The following FYTTD1 variants were observed in gnomAD, a reference collection of about 807,000 sequenced individuals.
FYTTD1 encodes UAP56-interacting factor.
FYTTD1 carries 22 observed loss-of-function variants against 40.9 expected under a neutral mutation model. The ratio of observed to expected loss-of-function variants is 0.54; its 90% CI spans 0.38 to 0.77. The LOEUF is 0.77. Ranked by LOEUF, FYTTD1 falls within the 30% of genes least tolerant of loss-of-function variation. The pLI is 0.00. For missense variants in FYTTD1, 351 were observed against 392.2 expected, an observed-to-expected ratio of 0.90 and a Z score of 0.89; for synonymous variants, 140 against 137.9, an observed-to-expected ratio of 1.01 and a Z score of -0.10.
intron 2 of FYTTD1, among the ~76,000 whole-genome samples, chr3:197,765,510 T>C (rs1349124615): frequency 2.6e-5 from 4 of 152,160 alleles, no homozygotes; most frequent in Non-Finnish European, 5.9e-5. Flanking sequence ...TTAATCTTCA[T>C]CTAGTTGCAA....
Position 197,771,279 on chromosome 3 carries a change from G to C in FYTTD1, c.497+1035G>C, listed in dbSNP as rs114138902. On this transcript the variant is annotated intron_variant, in intron 4 of 8. Transcript: ENST00000241502. ...AAAGTAGATGAAGTTGATGAGGTGTGAAGTTTCCTTATTCAGTTTCAAGTA... is the reference window on the plus strand; with the variant it reads ...AAAGTAGATGAAGTTGATGAGGTGTCAAGTTTCCTTATTCAGTTTCAAGTA... Among the ~76,000 whole-genome samples the C allele has an allele frequency of 2.7e-3, 405 of 152,290 alleles. 1 individual carries two copies. Among genetic ancestry groups the C allele is most frequent in the African/African-American group, 9.3e-3 (387 of 41,556 alleles).
chr3:197,760,518 G>C (rs946661722), intron 2 of FYTTD1, among the ~76,000 whole-genome samples: 1 of 150,428 alleles, frequency 6.6e-6, no homozygotes, highest in Non-Finnish European at 1.5e-5. Context: ...TGTTCTTCAG[G>C]GGTAGAATGT....
At chr3:197,750,160 C>A in intron 1 of FYTTD1, 86 bp downstream of exon 1, 3 of 1,041,918 alleles carry the variant, frequency 2.9e-6, no homozygotes, top group South Asian at 3.7e-5. Context: ...CAGGGGCGGT[C>A]GGCAGCAGTT....
At chr3:197,773,336 T>A (rs1431542626) in intron 4 of FYTTD1, 67 bp from the exon 5 acceptor site, 1 of 933,348 alleles carries the variant, frequency 1.1e-6, no homozygotes. Context: ...CTATTTTTGC[T>A]TATTTTTCCT....
chr3:197,766,430 G>GGTTGTGTGTGTGTGTGT (rs1553909118), intron 2 of FYTTD1, among the ~76,000 whole-genome samples: 2,486 of 135,062 alleles, frequency 0.018, 48 homozygotes, highest in Non-Finnish European at 0.027. Flanking sequence ...GTTTGAGACT[G>GGTTGTGTGTGTGTGTGT]GTGTGTGTGT....
chr3:197,773,670 T>C (rs979376582), intron 5 of FYTTD1, among the ~76,000 whole-genome samples, 171 bp downstream of exon 5: 2 of 152,254 alleles, frequency 1.3e-5, no homozygotes, highest in Non-Finnish European at 2.9e-5. Flanking sequence ...TTCCCATCTT[T>C]TCTTACCCTC....
intron 2 of FYTTD1, among the ~76,000 whole-genome samples, chr3:197,766,283 A>G (rs893485708): frequency 3.3e-5 from 5 of 152,088 alleles, no homozygotes; most frequent in African/African-American, 1.2e-4. Context: ...TTCTATTGTG[A>G]TATTATTTAT....
At chr3:197,763,109 A>G (rs1263258275) in intron 2 of FYTTD1, among the ~76,000 whole-genome samples, 1 of 152,110 alleles carries the variant, frequency 6.6e-6, no homozygotes, top group East Asian at 1.9e-4. Context: ...GTTTTTAACT[A>G]TCTTACTAAT....
At chr3:197,756,657 CTT>C (rs1729224585) in intron 2 of FYTTD1, 100 bp downstream of exon 2, 1 of 1,118,524 alleles carries the variant, frequency 8.9e-7, no homozygotes, top group Non-Finnish European at 1.3e-6. Flanking sequence ...CGTCAGTACT[CTT>C]TGTGTTTTGT....
At chr3:197,776,672 G>A (rs1729884306) in intron 6 of FYTTD1, among the ~76,000 whole-genome samples, 1 of 151,910 alleles carries the variant, frequency 6.6e-6, no homozygotes, top group Non-Finnish European at 1.5e-5. Flanking sequence ...CTTTTTATTA[G>A]AAGTTCTTTT....
chr3:197,757,007 A>G (rs980383050), intron 2 of FYTTD1, among the ~76,000 whole-genome samples: 1 of 152,186 alleles, frequency 6.6e-6, no homozygotes, highest in Non-Finnish European at 1.5e-5. Flanking sequence ...TCACTTCGGT[A>G]AAGTTATAGA....
At chr3:197,762,883 CA>C (rs35682293) in intron 2 of FYTTD1, among the ~76,000 whole-genome samples, 9 of 145,444 alleles carry the variant, frequency 6.2e-5, no homozygotes, top group Non-Finnish European at 1.1e-4. Context: ...ACTCCGTCTC[CA>C]AAAAAAAAAC....
intron 3 of FYTTD1, 107 bp from the exon 4 acceptor site, chr3:197,770,025 A>G (rs1024112279): frequency 4.4e-6 from 3 of 677,752 alleles, no homozygotes; most frequent in Non-Finnish European, 7.7e-6. Context: ...TTATCTGCAC[A>G]TTCAAGCAGT....
rs1268736862 is a variant in FYTTD1 at position 197,759,657 on chromosome 3, T to TTCAGTGGTAGAACGTATAGAGTTGTTCC, written c.235+3148_235+3175dup. On this transcript the variant is annotated intron_variant, in intron 2 of 8. Coordinates refer to ENST00000241502, the MANE Select transcript of FYTTD1 (RefSeq NM_032288.7). ...AGTGGTAGAACGTATAGAGTTGTTC[T>TTCAGTGGTAGAACGTATAGAGTTGTTCC]TCAGTGGTAGAACGTATAGAGTTGT... Among the ~76,000 whole-genome samples, 1,296 of 147,306 alleles carry TTCAGTGGTAGAACGTATAGAGTTGTTCC rather than the reference T, an allele frequency of 8.8e-3. 643 individuals are homozygous for TTCAGTGGTAGAACGTATAGAGTTGTTCC. The highest frequency in any genetic ancestry group is 0.013 in the Non-Finnish European group (851 of 65,510).
intron 2 of FYTTD1, among the ~76,000 whole-genome samples, chr3:197,766,668 C>G (rs1398188776): frequency 6.6e-6 from 1 of 151,954 alleles, no homozygotes; most frequent in African/African-American, 2.4e-5. Context: ...GTCTCGAACT[C>G]CTGGGCTCAA....
At chr3:197,774,740 C>T (rs1260164768) in intron 6 of FYTTD1, among the ~76,000 whole-genome samples, 1 of 150,680 alleles carries the variant, frequency 6.6e-6, no homozygotes, top group Non-Finnish European at 1.5e-5. Context: ...GCTCGATCGC[C>T]AGTGCACACC....
chr3:197,779,048 C>T (rs1045003399), intron 8 of FYTTD1, among the ~76,000 whole-genome samples: 3 of 152,204 alleles, frequency 2.0e-5, no homozygotes, highest in Non-Finnish European at 4.4e-5. Flanking sequence ...TACATCCTCA[C>T]CAACACTCAC....
chr3:197,775,576 G>A (rs1729853032), intron 6 of FYTTD1, among the ~76,000 whole-genome samples: 1 of 152,220 alleles, frequency 6.6e-6, no homozygotes, highest in African/African-American at 2.4e-5. Flanking sequence ...CATATCCGTG[G>A]ATTGTTTTCA....
intron 2 of FYTTD1, among the ~76,000 whole-genome samples, chr3:197,765,545 G>C (rs1317685187): frequency 1.3e-5 from 2 of 151,964 alleles, no homozygotes; most frequent in Non-Finnish European, 2.9e-5. Flanking sequence ...CACACATAGG[G>C]CAGCAATAAT....
Sources: gnomAD v4.1 joint callset for allele counts (sites outside exome capture counted in the v4.1 genomes callset) on GRCh38, gnomAD v4.1.1 for gene constraint, MANE v1.5 for transcripts, NCBI Gene and HGNC (gene_info 2026-07-23, HGNC 2026-07-21) for gene names.